The following TTC14 variants were observed in gnomAD, a reference collection of about 807,000 sequenced individuals.
TTC14 encodes the protein tetratricopeptide repeat protein 14.
TTC14 carries 63 observed loss-of-function variants against 79.9 expected under a neutral mutation model. That is an observed-to-expected ratio of 0.79 (90% CI 0.64 to 0.97). TTC14 has a LOEUF of 0.97. Among genes scored for constraint, TTC14 ranks in the 50% least tolerant of loss-of-function variants. TTC14 has a pLI of 0.00. For missense variants in TTC14, 895 were observed against 894.0 expected, an observed-to-expected ratio of 1.00 and a Z score of -0.01; for synonymous variants, 335 against 309.6, an observed-to-expected ratio of 1.08 and a Z score of -0.86.
intron 2 of TTC14, 30 bp from the exon 3 acceptor site, chr3:180,603,094 T>C (rs1453277813): frequency 6.2e-7 from 1 of 1,610,866 alleles, no homozygotes; most frequent in Admixed American, 1.7e-5. Flanking sequence ...AAAACTATCG[T>C]TAGTGATTTT....
At chr3:180,612,145 T>G (rs1717017447), downstream of TTC14, among the ~76,000 whole-genome samples, 1 of 152,204 alleles carries the variant, frequency 6.6e-6, no homozygotes, top group South Asian at 2.1e-4. Context: ...TCCAGTATCA[T>G]CTTTACAAAG....
Position 180,602,437 on chromosome 3 carries a change from G to A in TTC14, c.161+15G>A. On this transcript the variant is annotated intron_variant, in intron 1 of 11. Coordinates refer to ENST00000296015, the MANE Select transcript of TTC14 (RefSeq NM_133462.4). ...TTGCAGGGCAGGTAATGAGACGTTG[G>A]TGCCACTGCGCCACGGAAGAGGGGA... 1 of 1,590,594 alleles carries A rather than the reference G, an allele frequency of 6.3e-7. No individual in the cohort carries two copies. The highest frequency in any genetic ancestry group is 8.5e-7 in the Non-Finnish European group (1 of 1,173,884).
Position 180,607,633 on chromosome 3 carries a change from T to A in TTC14, c.1173-15T>A. The A allele has an allele frequency of 6.3e-7, 1 of 1,595,144 alleles. No individual in the cohort carries two copies. The highest frequency in any genetic ancestry group is 1.1e-5 in the South Asian group (1 of 87,668). On this transcript the variant is annotated splice_polypyrimidine_tract_variant and intron_variant, in intron 9 of 11. Transcript: ENST00000296015. ...TTGTTTTTACAAAAAAGCTAAATCT[T>A]TCTTTCAAATTTAGGTTAGAAGAAG...
Position 180,610,897 on chromosome 3 carries a change from A to G in TTC14, c.*355A>G. On this transcript the variant is annotated 3_prime_UTR_variant, in exon 12 of 12. Coordinates refer to ENST00000296015, the MANE Select transcript of TTC14 (RefSeq NM_133462.4). Reference sequence around the variant, plus strand: ...TGCTGTTTGAGAGAAAAATTTGTGCATTGAACACTTGGATCATTTTTATAA... The same window carrying G: ...TGCTGTTTGAGAGAAAAATTTGTGCGTTGAACACTTGGATCATTTTTATAA... 1 of 987,122 alleles carries G rather than the reference A, an allele frequency of 1.0e-6. No homozygotes were observed. Among genetic ancestry groups the G allele is most frequent in the Non-Finnish European group, 1.2e-6 (1 of 830,898 alleles). 61.1% of individuals were successfully genotyped at this position (987,122 alleles called of 1,614,324 possible).
At chr3:180,608,847 A>T (rs759933193) in intron 11 of TTC14, 37 bp downstream of exon 11, 24 of 1,416,638 alleles carry the variant, frequency 1.7e-5, no homozygotes, top group Non-Finnish European at 2.2e-5. Flanking sequence ...AACTTAAGGC[A>T]ACTACTGAAT....
chr3:180,616,162 A>G (rs1412088943), intron 12 of TTC14: 7 of 780,898 alleles, frequency 9.0e-6, no homozygotes, highest in East Asian at 5.3e-5. Flanking sequence ...GACAGTGAAA[A>G]GAACACTGGC....
chr3:180,606,213 G>A (rs1019804179), intron 7 of TTC14, 40 bp from the exon 8 acceptor site: 4 of 1,606,452 alleles, frequency 2.5e-6, no homozygotes, highest in Non-Finnish European at 3.4e-6. Flanking sequence ...TTTAGATATT[G>A]TTTGAAGTGT....
intron 9 of TTC14, among the ~76,000 whole-genome samples, chr3:180,607,058 T>TA (rs1432024568): frequency 6.6e-6 from 1 of 152,172 alleles, no homozygotes; most frequent in African/African-American, 2.4e-5. Context: ...TGTCCTTTGT[T>TA]TCCCATATCC....
Position 180,616,257 on chromosome 3 carries a change from AT to A in TTC14, c.1775-1114del, listed in dbSNP as rs573087987. On this transcript the variant is annotated intron_variant, in intron 12 of 12. Coordinates refer to the TTC14 transcript ENST00000382584. ...GTGTACAGCTGTGAGAGTTAAGCAGATTTTTTTTTAACCCTCCGCTTACCTT... is the reference window on the plus strand; with the variant it reads ...GTGTACAGCTGTGAGAGTTAAGCAGATTTTTTTTAACCCTCCGCTTACCTT... 7.8e-4 allele frequency: 1,220 copies of A among 1,568,958 alleles called. 2 individuals are homozygous for A. Among genetic ancestry groups the A allele is most frequent in the African/African-American group, 2.9e-3 (217 of 73,684 alleles).
rs1285490094 is a variant in TTC14, at chr3:180,604,816, G to A, written c.702-36G>A. On this transcript the variant is annotated intron_variant, in intron 5 of 11. Coordinates refer to ENST00000296015, the MANE Select transcript of TTC14 (RefSeq NM_133462.4). ...TTACTAGAAATGGAATGTCAAATTAGTCATTTTACAATTTTTGTGTTTGTA... is the reference window on the plus strand; with the variant it reads ...TTACTAGAAATGGAATGTCAAATTAATCATTTTACAATTTTTGTGTTTGTA... 9 of 1,566,500 alleles carry A rather than the reference G, an allele frequency of 5.7e-6. No individual in the cohort carries two copies. The African/African-American group carries it at 6.9e-5, about 12-fold the overall frequency.
chr3:180,617,229 T>C, intron 12 of TTC14: 1 of 476,876 alleles, frequency 2.1e-6, no homozygotes, highest in South Asian at 4.6e-5. Context: ...CATGAGTTTG[T>C]GGTGATGGCT....
At position 180,610,600 on chromosome 3, in the gene TTC14, T is replaced by TA; in HGVS notation, c.*59dup. On this transcript the variant is annotated 3_prime_UTR_variant, in exon 12 of 12. Coordinates refer to ENST00000296015, the MANE Select transcript of TTC14 (RefSeq NM_133462.4). The stretch of plus-strand genomic sequence containing the variant: ...TGCCATTAAGTGAAGTTTTTGGTTG[T>TA]ATTAGTCATAACAGTTGAGTGCAGA... 6.6e-7 allele frequency: 1 copy of TA among 1,516,240 alleles called. No homozygotes were observed. The highest frequency in any genetic ancestry group is 1.4e-5 in the African/African-American group (1 of 71,846). The allele number at this position is 1,516,240 out of a possible 1,614,324, so 93.9% of individuals were successfully genotyped here.
intron 12 of TTC14, chr3:180,617,309 C>T: frequency 4.1e-6 from 2 of 488,518 alleles, no homozygotes; most frequent in Non-Finnish European, 7.2e-6. Flanking sequence ...GTGCATAATA[C>T]TTGATAGTGA....
chr3:180,610,906 T>C lies in TTC14; in HGVS notation c.*364T>C. 6 of 985,590 alleles carry C rather than the reference T, an allele frequency of 6.1e-6. No homozygotes were observed. The highest frequency in any genetic ancestry group is 7.2e-6 in the Non-Finnish European group (6 of 829,748). The allele number at this position is 985,590 out of a possible 1,614,324, so 61.1% of individuals were successfully genotyped here. ...AGAGAAAAATTTGTGCATTGAACAC[T>C]TGGATCATTTTTATAAAAATTAATT... On this transcript the variant is annotated 3_prime_UTR_variant, in exon 12 of 12. Transcript: ENST00000296015.
downstream of TTC14, chr3:180,614,596 G>A (rs73883902): frequency 5.0e-3 from 1,064 of 212,532 alleles, 18 homozygotes; most frequent in African/African-American, 0.024. Flanking sequence ...TTGAAAGATT[G>A]TTACATTAGA....
At position 180,610,622 on chromosome 3, in the gene TTC14, C is replaced by G. The variant is rs1560076519; in HGVS notation, c.*80C>G. The G allele has an allele frequency of 2.5e-5, 38 of 1,490,852 alleles. No homozygotes were observed. Among genetic ancestry groups the G allele is most frequent in the Non-Finnish European group, 3.4e-5 (38 of 1,126,452 alleles). The allele number at this position is 1,490,852 out of a possible 1,614,324, so 92.4% of individuals were successfully genotyped here. On this transcript the variant is annotated 3_prime_UTR_variant, in exon 12 of 12. Coordinates refer to ENST00000296015, the MANE Select transcript of TTC14 (RefSeq NM_133462.4). The stretch of plus-strand genomic sequence containing the variant: ...TTGTATTAGTCATAACAGTTGAGTG[C>G]AGAAATCTCTGCTTCTAAAATTATT...
At chr3:180,616,762 G>A (rs1717260304) in intron 12 of TTC14, 2 of 1,580,468 alleles carry the variant, frequency 1.3e-6, no homozygotes, top group Non-Finnish European at 1.7e-6. Flanking sequence ...TTTAATAGAT[G>A]AAGGAGGATT....
chr3:180,608,936 A>AATT, intron 11 of TTC14, 126 bp downstream of exon 11: 1 of 1,236,260 alleles, frequency 8.1e-7, no homozygotes. Context: ...GACTGTTAAG[A>AATT]ATCTTTAGCA....
At chr3:180,616,391 A>G (rs769332826) in intron 12 of TTC14, 1 of 1,571,592 alleles carries the variant, frequency 6.4e-7, no homozygotes, top group South Asian at 1.2e-5. Flanking sequence ...AGCAATCATT[A>G]GTACTACCTA....
Sources: gnomAD v4.1 joint callset for allele counts (sites outside exome capture counted in the v4.1 genomes callset) on GRCh38, gnomAD v4.1.1 for gene constraint, MANE v1.5 for transcripts, NCBI Gene and HGNC (gene_info 2026-07-23, HGNC 2026-07-21) for gene names.